IMMP2L: variants seen among roughly 807,000 people sequenced by gnomAD.
IMMP2L encodes mitochondrial inner membrane protease subunit 2.
A neutral mutation model predicts 19.3 loss-of-function variants in IMMP2L; 18 were observed. The observed-to-expected ratio is 0.93, with a 90% CI of 0.64 to 1.38. The LOEUF (loss-of-function observed/expected upper bound fraction) is 1.38, where lower values mean the gene tolerates loss of function less well. Among genes scored for constraint, IMMP2L ranks in the 40% most tolerant of loss-of-function variants. IMMP2L has a pLI of 0.00. For missense variants in IMMP2L, 233 were observed against 218.2 expected, an observed-to-expected ratio of 1.07 and a Z score of -0.43; for synonymous variants, 76 against 73.0, an observed-to-expected ratio of 1.04 and a Z score of -0.21.
At chr7:110,715,709 T>C (rs887182978) in intron 5 of IMMP2L, among the ~76,000 whole-genome samples, 5 of 151,888 alleles carry the variant, frequency 3.3e-5, no homozygotes, top group Admixed American at 2.6e-4. Flanking sequence ...GGGGTGTAGA[T>C]GAGGAGAATG....
intron 3 of IMMP2L, among the ~76,000 whole-genome samples, chr7:111,216,782 A>G (rs1019074084): frequency 3.3e-5 from 5 of 152,246 alleles, no homozygotes; most frequent in African/African-American, 1.2e-4. Context: ...GACTACCCAT[A>G]TAATCAAAAG....
intron 2 of IMMP2L, among the ~76,000 whole-genome samples, chr7:111,517,101 G>A (rs1409406900): frequency 6.6e-6 from 1 of 150,852 alleles, no homozygotes; most frequent in Non-Finnish European, 1.5e-5. Context: ...TAAGCTGACT[G>A]TAGGTTAAAA....
intron 3 of IMMP2L, among the ~76,000 whole-genome samples, chr7:110,982,161 C>T (rs1392947846): frequency 2.0e-5 from 3 of 152,042 alleles, no homozygotes; most frequent in Non-Finnish European, 2.9e-5. Flanking sequence ...CCTGAGGTAA[C>T]ACAGTGATTT....
intron 3 of IMMP2L, chr7:111,122,865 G>A: frequency 6.2e-7 from 1 of 1,613,932 alleles, no homozygotes; most frequent in Non-Finnish European, 8.5e-7. Context: ...ATTGTCCACG[G>A]TTATGTACGT....
intron 3 of IMMP2L, among the ~76,000 whole-genome samples, chr7:111,218,750 C>T (rs573014375): frequency 6.6e-6 from 1 of 151,934 alleles, no homozygotes; most frequent in Non-Finnish European, 1.5e-5. Context: ...GCCAGGGCTA[C>T]GTACATCAAT....
At chr7:110,880,629 A>C (rs921238328) in intron 5 of IMMP2L, among the ~76,000 whole-genome samples, 1 of 151,994 alleles carries the variant, frequency 6.6e-6, no homozygotes, top group Non-Finnish European at 1.5e-5. Context: ...TTCTATGTAC[A>C]CTCAGTTATG....
chr7:111,470,484 C>G (rs181171905), intron 3 of IMMP2L, among the ~76,000 whole-genome samples: 2,957 of 151,752 alleles, frequency 0.019, 95 homozygotes, highest in African/African-American at 0.068. Context: ...AAATGTCCAA[C>G]AGTGATAGAC....
chr7:111,191,770 C>T (rs1444922566), intron 3 of IMMP2L, among the ~76,000 whole-genome samples: 1 of 151,966 alleles, frequency 6.6e-6, no homozygotes, highest in Non-Finnish European at 1.5e-5. Flanking sequence ...TTAAAGGGCA[C>T]TTCAAGTTTC....
At chr7:111,036,478 T>C (rs1248154525) in intron 3 of IMMP2L, among the ~76,000 whole-genome samples, 3 of 152,188 alleles carry the variant, frequency 2.0e-5, no homozygotes, top group Non-Finnish European at 1.5e-5. Flanking sequence ...AATATGACAT[T>C]ATAAATTTGG....
intron 5 of IMMP2L, among the ~76,000 whole-genome samples, chr7:110,825,498 A>G (rs1693203357): frequency 6.6e-6 from 1 of 152,154 alleles, no homozygotes; most frequent in Non-Finnish European, 1.5e-5. Flanking sequence ...GATATAGATC[A>G]GTGGAATAGA....
At chr7:111,139,005 T>C (rs1365698993) in intron 3 of IMMP2L, among the ~76,000 whole-genome samples, 7 of 152,180 alleles carry the variant, frequency 4.6e-5, no homozygotes, top group African/African-American at 1.4e-4. Flanking sequence ...TCAGTTGACA[T>C]GATCTTTTAA....
At chr7:110,949,964 T>C (rs936825961) in intron 4 of IMMP2L, among the ~76,000 whole-genome samples, 2 of 152,104 alleles carry the variant, frequency 1.3e-5, no homozygotes, top group Non-Finnish European at 2.9e-5. Context: ...AATTTTTAAA[T>C]CCCCTGAATA....
At chr7:111,049,232 G>C (rs1175650827) in intron 3 of IMMP2L, among the ~76,000 whole-genome samples, 2 of 138,916 alleles carry the variant, frequency 1.4e-5, no homozygotes, top group Admixed American at 8.2e-5. Context: ...CCGGGTTCAC[G>C]CCATTCTTCT....
At chr7:111,383,021 A>G (rs1831356486) in intron 3 of IMMP2L, among the ~76,000 whole-genome samples, 1 of 151,966 alleles carries the variant, frequency 6.6e-6, no homozygotes, top group Non-Finnish European at 1.5e-5. Flanking sequence ...AGTCATCTAT[A>G]CTCTACTACA....
In IMMP2L at chr7:111,100,821, T is replaced by A. The variant is rs1002233718; in HGVS notation, c.240-137256A>T. 2.0e-5 allele frequency among the ~76,000 whole-genome samples: 3 copies of A among 151,596 alleles called. No individual in the cohort carries two copies. In the Admixed American group the frequency reaches 2.0e-4, roughly 10 times the overall value. On this transcript the variant is annotated intron_variant, in intron 3 of 5. Coordinates refer to ENST00000405709, the MANE Select transcript of IMMP2L (RefSeq NM_032549.4). ...TTTCTTAGGGAATGGAAATCAGTAA[T>A]GAAATAAGGAAAGTTTTATTGACCA...
chr7:111,099,787 A>C (rs2129579738), intron 3 of IMMP2L: 1 of 151,860 alleles, frequency 6.6e-6, no homozygotes. Flanking sequence ...GTGAATCATG[A>C]ATAACCTAAC....
rs114506757 is a variant in IMMP2L, at chr7:110,964,903, T to A, written c.240-1338A>T. On this transcript the variant is annotated intron_variant, in intron 3 of 5. Coordinates refer to ENST00000405709, the MANE Select transcript of IMMP2L (RefSeq NM_032549.4). ...GAAGGTCGGCTAACAGTCACATTAGTGAGCTTCAAAGCACGTACTTAGTCA... is the reference window on the plus strand; with the variant it reads ...GAAGGTCGGCTAACAGTCACATTAGAGAGCTTCAAAGCACGTACTTAGTCA... 4.0e-3 allele frequency among the ~76,000 whole-genome samples: 613 copies of A among 152,068 alleles called. 5 individuals are homozygous for A. The highest frequency in any genetic ancestry group is 0.014 in the African/African-American group (591 of 41,522).
At chr7:110,822,555 C>T (rs975125455) in intron 5 of IMMP2L, among the ~76,000 whole-genome samples, 1 of 152,082 alleles carries the variant, frequency 6.6e-6, no homozygotes, top group African/African-American at 2.4e-5. Flanking sequence ...ATCCCCAAGC[C>T]AATTATCCAT....
At chr7:111,167,156 C>G (rs538618203) in intron 3 of IMMP2L, among the ~76,000 whole-genome samples, 1 of 152,040 alleles carries the variant, frequency 6.6e-6, no homozygotes, top group Non-Finnish European at 1.5e-5. Flanking sequence ...ACAATTTTCC[C>G]ATGTGAGGGG....
Sources: allele counts gnomAD v4.1 joint callset (sites outside exome capture counted in the v4.1 genomes callset), GRCh38; gene constraint gnomAD v4.1.1; transcripts MANE v1.5; gene names NCBI Gene and HGNC (gene_info 2026-07-23, HGNC 2026-07-21).